Variants in OPCML observed in about 807,000 individuals in gnomAD.
The protein encoded by OPCML is opioid-binding protein/cell adhesion molecule.
Under a neutral mutation model 37.8 loss-of-function variants are expected in OPCML, and 13 were observed. The ratio of observed to expected loss-of-function variants is 0.34; its 90% CI spans 0.22 to 0.55. OPCML has a LOEUF of 0.55. Among genes scored for constraint, OPCML ranks in the 20% least tolerant of loss-of-function variants. The pLI, the probability that OPCML is intolerant of heterozygous loss-of-function variation, is 0.91. For missense variants in OPCML, 341 were observed against 435.6 expected (o/e 0.78, Z 1.93); for synonymous variants, 176 against 168.8 (o/e 1.04, Z -0.33).
intron 1 of OPCML, among the ~76,000 whole-genome samples, chr11:133,278,011 T>C (rs1483150460): frequency 1.3e-5 from 2 of 152,146 alleles, no homozygotes; most frequent in Non-Finnish European, 2.9e-5. Context: ...CAGCAGCCCT[T>C]TTAAATTCTG....
At chr11:132,508,647 A>G (rs1285869686) in intron 4 of OPCML, among the ~76,000 whole-genome samples, 1 of 152,106 alleles carries the variant, frequency 6.6e-6, no homozygotes, top group African/African-American at 2.4e-5. Flanking sequence ...GTGATAGTGA[A>G]TAGGTCTTAT....
chr11:132,555,391 GGT>G (rs2096393006), intron 3 of OPCML, among the ~76,000 whole-genome samples: 1 of 151,848 alleles, frequency 6.6e-6, no homozygotes, highest in Non-Finnish European at 1.5e-5. Flanking sequence ...AAGTGAAAGG[GGT>G]TTCTCCTTAT....
At chr11:133,457,413 C>A (rs1354167405) in intron 1 of OPCML, among the ~76,000 whole-genome samples, 1 of 151,990 alleles carries the variant, frequency 6.6e-6, no homozygotes, top group African/African-American at 2.4e-5. Context: ...GTGGTGCACG[C>A]CTGTAGTCCC....
At chr11:133,293,229 G>C (rs1257247358) in intron 1 of OPCML, among the ~76,000 whole-genome samples, 1 of 151,732 alleles carries the variant, frequency 6.6e-6, no homozygotes, top group East Asian at 2.0e-4. Flanking sequence ...GGCACCCCAC[G>C]CTCTTTCCCT....
chr11:132,825,782 T>G (rs561171582), intron 2 of OPCML, among the ~76,000 whole-genome samples: 4 of 152,264 alleles, frequency 2.6e-5, no homozygotes, highest in African/African-American at 9.6e-5. Flanking sequence ...TTTAACAAAG[T>G]GAAGGGAAAA....
At chr11:132,905,061 TAAG>T (rs1944188504) in intron 2 of OPCML, among the ~76,000 whole-genome samples, 1 of 152,112 alleles carries the variant, frequency 6.6e-6, no homozygotes, top group Non-Finnish European at 1.5e-5. Flanking sequence ...TGCTAAACAC[TAAG>T]AAGTCCAAAT....
intron 1 of OPCML, among the ~76,000 whole-genome samples, chr11:133,383,184 T>C (rs1944968545): frequency 6.6e-6 from 1 of 152,056 alleles, no homozygotes. Flanking sequence ...GCCTCTTGGA[T>C]CCATACCTCC....
At chr11:132,468,794 A>C (rs576281814) in intron 4 of OPCML, among the ~76,000 whole-genome samples, 1 of 152,180 alleles carries the variant, frequency 6.6e-6, no homozygotes, top group East Asian at 1.9e-4. Context: ...AAAGTCTCAA[A>C]CTAAATTAGG....
chr11:132,753,146 C>T (rs1021401924), intron 2 of OPCML, among the ~76,000 whole-genome samples: 1 of 152,164 alleles, frequency 6.6e-6, no homozygotes, highest in Non-Finnish European at 1.5e-5. Context: ...CTCCCCCTCC[C>T]TATCTGACTT....
chr11:132,941,174 A>G (rs1294275693), intron 2 of OPCML, among the ~76,000 whole-genome samples: 1 of 152,296 alleles, frequency 6.6e-6, no homozygotes, highest in East Asian at 1.9e-4. Flanking sequence ...CAACATTAGA[A>G]TTGAAGATCA....
At chr11:133,257,896 C>T (rs11625) in intron 1 of OPCML, among the ~76,000 whole-genome samples, 3 of 151,206 alleles carry the variant, frequency 2.0e-5, no homozygotes, top group Admixed American at 6.6e-5. Flanking sequence ...TAGCTGAACA[C>T]CTTGGAGCCA....
chr11:132,806,468 T>C (rs986594174), intron 2 of OPCML, among the ~76,000 whole-genome samples: 1 of 152,006 alleles, frequency 6.6e-6, no homozygotes, highest in African/African-American at 2.4e-5. Flanking sequence ...TTTATTGATA[T>C]CAAACAAAGT....
intron 1 of OPCML, among the ~76,000 whole-genome samples, chr11:133,306,051 A>G (rs1272207981): frequency 6.6e-6 from 1 of 152,190 alleles, no homozygotes; most frequent in Non-Finnish European, 1.5e-5. Flanking sequence ...TATTACCATT[A>G]GAAGTACTTT....
chr11:133,190,534 G>T (rs1018557559), intron 1 of OPCML, among the ~76,000 whole-genome samples: 1 of 151,868 alleles, frequency 6.6e-6, no homozygotes, highest in African/African-American at 2.4e-5. Context: ...ACTGATTTTA[G>T]TTTGTTCACA....
intron 4 of OPCML, among the ~76,000 whole-genome samples, chr11:132,491,624 C>T (rs775554630): frequency 3.3e-5 from 5 of 152,212 alleles, no homozygotes; most frequent in African/African-American, 4.8e-5. Context: ...TTAATCATTG[C>T]CTGAAACTAT....
intron 1 of OPCML, among the ~76,000 whole-genome samples, chr11:133,019,692 A>G (rs1407259502): frequency 1.3e-5 from 2 of 152,168 alleles, no homozygotes; most frequent in African/African-American, 4.8e-5. Context: ...TGTTTGTCAC[A>G]GGAAAGGGGC....
intron 1 of OPCML, among the ~76,000 whole-genome samples, chr11:133,029,321 C>T (rs1456259164): frequency 6.6e-6 from 1 of 152,080 alleles, no homozygotes; most frequent in Non-Finnish European, 1.5e-5. Context: ...AGATTTCTCA[C>T]GGAACTAAAA....
At chr11:133,238,516 T>C (rs1172505359) in intron 1 of OPCML, among the ~76,000 whole-genome samples, 1 of 152,254 alleles carries the variant, frequency 6.6e-6, no homozygotes, top group African/African-American at 2.4e-5. Context: ...CTAGGAAACT[T>C]AGAATCACCG....
intron 1 of OPCML, chr11:133,300,305 T>A (rs1181666509): frequency 6.6e-6 from 1 of 152,236 alleles, no homozygotes; most frequent in African/African-American, 2.4e-5. Flanking sequence ...AAACTGACGT[T>A]CATGCTTCTC....
Sources: gnomAD v4.1 joint callset for allele counts (sites outside exome capture counted in the v4.1 genomes callset) on GRCh38, gnomAD v4.1.1 for gene constraint, MANE v1.5 for transcripts, NCBI Gene and HGNC (gene_info 2026-07-23, HGNC 2026-07-21) for gene names.